DPP6: variants seen among roughly 807,000 people sequenced by gnomAD.
DPP6 encodes A-type potassium channel modulatory protein DPP6.
A neutral mutation model predicts 122.6 loss-of-function variants in DPP6; 69 were observed. That is an observed-to-expected ratio of 0.56 (90% CI 0.46 to 0.69). The LOEUF is 0.69. DPP6 is among the 30% of genes least tolerant of loss of function. The pLI, the probability that DPP6 is intolerant of heterozygous loss-of-function variation, is 0.00. For synonymous variants in DPP6, 418 were observed against 433.1 expected (o/e 0.97, Z 0.43); for missense variants, 928 against 1,116.9 (o/e 0.83, Z 2.41).
chr7:154,841,262 C>T (rs1011238659), intron 16 of DPP6, among the ~76,000 whole-genome samples: 9 of 152,220 alleles, frequency 5.9e-5, no homozygotes, highest in East Asian at 5.8e-4. Flanking sequence ...AGCCAGTGGG[C>T]GCTGTACCTT....
chr7:154,072,624 C>T (rs559383094), intron 1 of DPP6, among the ~76,000 whole-genome samples: 12 of 152,414 alleles, frequency 7.9e-5, no homozygotes, highest in Admixed American at 6.5e-5. Flanking sequence ...CCTGATATTA[C>T]GGGACGTCAA....
chr7:154,512,601 G>A (rs997004494), intron 3 of DPP6, among the ~76,000 whole-genome samples: 3 of 152,154 alleles, frequency 2.0e-5, no homozygotes, highest in Admixed American at 6.5e-5. Flanking sequence ...TAATGAAGGC[G>A]ATGAGAACTA....
intron 1 of DPP6, among the ~76,000 whole-genome samples, chr7:153,953,227 A>G (rs1051378210): frequency 1.3e-5 from 2 of 152,154 alleles, no homozygotes; most frequent in African/African-American, 4.8e-5. Flanking sequence ...GTGTCCTCAT[A>G]TCTAGTTTGC....
intron 1 of DPP6, among the ~76,000 whole-genome samples, chr7:154,235,321 G>T (rs576516378): frequency 8.5e-5 from 13 of 152,262 alleles, no homozygotes; most frequent in African/African-American, 2.9e-4. Context: ...TGTTTTCAAG[G>T]CTCATCCAGG....
chr7:154,662,235 C>G (rs1156230630), intron 6 of DPP6, among the ~76,000 whole-genome samples: 1 of 151,588 alleles, frequency 6.6e-6, no homozygotes, highest in Admixed American at 6.6e-5. Flanking sequence ...TGGTGAATCA[C>G]CATGGCGTAT....
At chr7:154,137,621 G>A (rs1468943813) in intron 1 of DPP6, among the ~76,000 whole-genome samples, 6 of 131,480 alleles carry the variant, frequency 4.6e-5, no homozygotes, top group African/African-American at 1.1e-4. Flanking sequence ...CTGAGGGGAC[G>A]AAGCAGCAGG....
At chr7:154,288,479 C>T (rs569884601) in intron 1 of DPP6, among the ~76,000 whole-genome samples, 1 of 152,220 alleles carries the variant, frequency 6.6e-6, no homozygotes, top group South Asian at 2.1e-4. Flanking sequence ...ACCAGGAGTG[C>T]AATCTCTCTG....
At chr7:154,348,344 G>T (rs1810569288) in intron 1 of DPP6, among the ~76,000 whole-genome samples, 1 of 152,184 alleles carries the variant, frequency 6.6e-6, no homozygotes. Context: ...ACTAAAATAT[G>T]ATTTTTATAA....
chr7:154,185,600 G>T (rs1443160790), intron 1 of DPP6, among the ~76,000 whole-genome samples: 3 of 152,104 alleles, frequency 2.0e-5, no homozygotes, highest in Non-Finnish European at 4.4e-5. Flanking sequence ...TCAATGCTAG[G>T]ATTGTCATCC....
chr7:154,391,153 C>T (rs1814583561), intron 1 of DPP6, among the ~76,000 whole-genome samples: 1 of 152,192 alleles, frequency 6.6e-6, no homozygotes, highest in African/African-American at 2.4e-5. Flanking sequence ...ATCCGTATGC[C>T]CTTGATTCAT....
chr7:153,892,418 A>G (rs995920662), intron 1 of DPP6, among the ~76,000 whole-genome samples: 5 of 152,104 alleles, frequency 3.3e-5, no homozygotes, highest in African/African-American at 1.2e-4. Flanking sequence ...GGTTCAAGCA[A>G]TCCTCTTACC....
intron 1 of DPP6, among the ~76,000 whole-genome samples, chr7:154,361,603 C>CAAA (rs34342809): frequency 5.7e-4 from 33 of 57,914 alleles, no homozygotes; most frequent in Admixed American, 9.1e-4. Flanking sequence ...AATTGCTAGC[C>CAAA]AAAAAAAAAA....
intron 1 of DPP6, among the ~76,000 whole-genome samples, chr7:154,441,675 T>C (rs1819385990): frequency 6.6e-6 from 1 of 152,126 alleles, no homozygotes; most frequent in African/African-American, 2.4e-5. Flanking sequence ...CAGAGAGGCG[T>C]GGGCTCTATC....
intron 1 of DPP6, among the ~76,000 whole-genome samples, chr7:154,034,577 T>C (rs1191820596): frequency 6.6e-6 from 1 of 152,188 alleles, no homozygotes; most frequent in African/African-American, 2.4e-5. Flanking sequence ...TGATTTCTCT[T>C]TTGCCTACTT....
At chr7:154,542,062 C>A (rs1247201857) in intron 4 of DPP6, among the ~76,000 whole-genome samples, 1 of 152,120 alleles carries the variant, frequency 6.6e-6, no homozygotes, top group Non-Finnish European at 1.5e-5. Context: ...CATAAAGATA[C>A]CTTTTTATTA....
At chr7:154,831,700 T>C (rs952416821) in intron 16 of DPP6, among the ~76,000 whole-genome samples, 8 of 152,214 alleles carry the variant, frequency 5.3e-5, no homozygotes, top group Non-Finnish European at 1.2e-4. Context: ...TAATCAAGTT[T>C]TCCTTTTCAT....
At chr7:154,394,356 ATTT>A (rs1341110380) in intron 1 of DPP6, among the ~76,000 whole-genome samples, 1 of 152,024 alleles carries the variant, frequency 6.6e-6, no homozygotes, top group Non-Finnish European at 1.5e-5. Context: ...GTTGAGCATC[ATTT>A]CATATGCTAT....
chr7:154,313,685 G>GTA (rs1170662489), intron 1 of DPP6, among the ~76,000 whole-genome samples: 547 of 20,416 alleles, frequency 0.027, 53 homozygotes, highest in East Asian at 0.095. Context: ...TTAAGATATG[G>GTA]TATATATATA....
chr7:154,344,238 G>A (rs2337882), intron 1 of DPP6, among the ~76,000 whole-genome samples: 11,246 of 152,134 alleles, frequency 0.074, 1,245 homozygotes, highest in African/African-American at 0.24. Context: ...TCTAACACCC[G>A]CTTCTTACCT....
Sources: gnomAD v4.1 joint callset for allele counts (sites outside exome capture counted in the v4.1 genomes callset) on GRCh38, gnomAD v4.1.1 for gene constraint, MANE v1.5 for transcripts, NCBI Gene and HGNC (gene_info 2026-07-23, HGNC 2026-07-21) for gene names.